Variants in SKAP2 observed in about 807,000 individuals in gnomAD.
SKAP2 encodes src kinase associated phosphoprotein 2.
SKAP2 carries 28 observed loss-of-function variants against 54.9 expected under a neutral mutation model. The ratio of observed to expected loss-of-function variants is 0.51; its 90% CI spans 0.38 to 0.70. SKAP2 has a LOEUF of 0.70. Ranked by LOEUF, SKAP2 falls within the 30% of genes least tolerant of loss-of-function variation. The pLI is 0.00. For synonymous variants in SKAP2, 137 were observed against 134.3 expected, an observed-to-expected ratio of 1.02 and a Z score of -0.14; for missense variants, 356 against 424.1, an observed-to-expected ratio of 0.84 and a Z score of 1.41.
At position 26,789,612 on chromosome 7, in the gene SKAP2, C is replaced by T. The variant is rs538143560; in HGVS notation, c.308-49648G>A. Among the ~76,000 whole-genome samples the T allele has an allele frequency of 2.0e-5, 3 of 152,254 alleles. No individual in the cohort carries two copies. The South Asian group carries it at 6.2e-4, about 32-fold the overall frequency. On this transcript the variant is annotated intron_variant, in intron 4 of 12. Transcript: ENST00000345317. ...GCCACTGTTTACTTTCAAGCTTTTT[C>T]ATTTTCTCGCAAAATAATAACTCTT...
chr7:26,800,696 T>C (rs941698716), intron 4 of SKAP2, among the ~76,000 whole-genome samples: 2 of 152,160 alleles, frequency 1.3e-5, no homozygotes, highest in African/African-American at 4.8e-5. Flanking sequence ...TTCAAAGGAT[T>C]GTCAGTGTCT....
chr7:26,841,315 T>C (rs533932253), intron 4 of SKAP2, among the ~76,000 whole-genome samples: 88 of 151,962 alleles, frequency 5.8e-4, no homozygotes, highest in African/African-American at 2.0e-3. Flanking sequence ...CAGCAAGTTA[T>C]GATTTTGCTA....
Position 26,706,772 on chromosome 7 carries a change from C to T in SKAP2, c.797-16410G>A, listed in dbSNP as rs528605048. ...TAGGTTATTTAAATTAGGACTTCAGCTGATTGAAATGCCAGCCCCATTTTA... is the reference window on the plus strand; with the variant it reads ...TAGGTTATTTAAATTAGGACTTCAGTTGATTGAAATGCCAGCCCCATTTTA... On this transcript the variant is annotated intron_variant, in intron 9 of 12. Coordinates refer to ENST00000345317, the MANE Select transcript of SKAP2 (RefSeq NM_003930.5). 2.0e-5 allele frequency among the ~76,000 whole-genome samples: 3 copies of T among 152,268 alleles called. No homozygotes were observed. The South Asian group carries it at 6.2e-4, about 32-fold the overall frequency.
intron 9 of SKAP2, among the ~76,000 whole-genome samples, chr7:26,690,742 CT>C (rs1786763386): frequency 6.6e-6 from 1 of 152,126 alleles, no homozygotes; most frequent in Non-Finnish European, 1.5e-5. Flanking sequence ...CAGGAAAACC[CT>C]TAAATCCAGT....
chr7:26,833,859 C>T (rs529240141), intron 4 of SKAP2, among the ~76,000 whole-genome samples: 108 of 152,312 alleles, frequency 7.1e-4, no homozygotes, highest in African/African-American at 2.6e-3. Flanking sequence ...TAACAGACAT[C>T]TACAGAACTC....
chr7:26,779,647 C>T lies in SKAP2; in HGVS notation c.308-39683G>A, dbSNP rs375811327. ...GATTCTGAGGGAAAATGTTCATGCA[C>T]GACTTGATTTCAAGGCAATGAGAAA... On this transcript the variant is annotated intron_variant, in intron 4 of 12. Transcript: ENST00000345317. Among the ~76,000 whole-genome samples, 8 of 151,922 alleles carry T rather than the reference C, an allele frequency of 5.3e-5. No individual in the cohort carries two copies. The East Asian group carries it at 9.7e-4, about 18-fold the overall frequency.
intron 4 of SKAP2, among the ~76,000 whole-genome samples, chr7:26,784,924 G>A (rs1246872820): frequency 1.3e-5 from 2 of 152,056 alleles, no homozygotes; most frequent in Non-Finnish European, 2.9e-5. Flanking sequence ...AGAGGGGTGG[G>A]AAGCTGATAT....
chr7:26,770,378 T>C lies in SKAP2; in HGVS notation c.308-30414A>G, dbSNP rs375040603. Among the ~76,000 whole-genome samples, 4 of 152,154 alleles carry C rather than the reference T, an allele frequency of 2.6e-5. No homozygotes were observed. In the East Asian group the frequency reaches 7.7e-4, roughly 29 times the overall value. The stretch of plus-strand genomic sequence containing the variant: ...GTGAGAATTTCAAGCCAATGGATCT[T>C]AGCTTGCTGGGCTCTGTGGGGGTGG... On this transcript the variant is annotated intron_variant, in intron 4 of 12. Transcript: ENST00000345317.
intron 9 of SKAP2, among the ~76,000 whole-genome samples, chr7:26,693,275 T>C (rs921864782): frequency 3.0e-5 from 4 of 134,556 alleles, no homozygotes; most frequent in African/African-American, 1.1e-4. Flanking sequence ...GAGGTTGCAA[T>C]GAGCTGAGAT....
intron 4 of SKAP2, among the ~76,000 whole-genome samples, chr7:26,778,710 T>C (rs114779154): frequency 0.012 from 1,807 of 152,112 alleles, 36 homozygotes; most frequent in African/African-American, 0.041. Context: ...CAAACATATA[T>C]GTTTCTTCTG....
At chr7:26,801,777 A>G (rs915477610) in intron 4 of SKAP2, among the ~76,000 whole-genome samples, 5 of 152,200 alleles carry the variant, frequency 3.3e-5, no homozygotes, top group Admixed American at 3.3e-4. Context: ...ATAAAATTAA[A>G]TACCTAGAAA....
intron 4 of SKAP2, among the ~76,000 whole-genome samples, chr7:26,745,106 T>C (rs1335171861): frequency 6.7e-6 from 1 of 150,088 alleles, no homozygotes; most frequent in Non-Finnish European, 1.5e-5. Context: ...ATTTTCCCTT[T>C]TCTAGTTGGC....
rs189438059 is a variant in SKAP2 at position 26,713,461 on chromosome 7, G to A, written c.796+11967C>T. Among the ~76,000 whole-genome samples the A allele has an allele frequency of 7.9e-4, 121 of 152,244 alleles. 1 individual carries two copies. The highest frequency in any genetic ancestry group is 2.2e-3 in the Admixed American group (33 of 15,298). On this transcript the variant is annotated intron_variant, in intron 9 of 12. Transcript: ENST00000345317. ...GTGAATAATAATAAGATGACATGAGGAGAAGGTAAGACAAGATAAAAACAA... is the reference window on the plus strand; with the variant it reads ...GTGAATAATAATAAGATGACATGAGAAGAAGGTAAGACAAGATAAAAACAA...
chr7:26,739,995 G>A (rs762867520), intron 4 of SKAP2, 31 bp from the exon 5 acceptor site: 2 of 1,351,210 alleles, frequency 1.5e-6, no homozygotes, highest in Admixed American at 2.0e-5. Context: ...AAAAAAAAAA[G>A]CAGTGGGTAA....
chr7:26,740,804 A>G (rs755299704), intron 4 of SKAP2, among the ~76,000 whole-genome samples: 1 of 151,982 alleles, frequency 6.6e-6, no homozygotes, highest in Non-Finnish European at 1.5e-5. Flanking sequence ...TGGCCAACAC[A>G]GTGAAACCTG....
At chr7:26,843,195 A>T (rs1287092267) in intron 4 of SKAP2, among the ~76,000 whole-genome samples, 1 of 152,062 alleles carries the variant, frequency 6.6e-6, no homozygotes, top group Non-Finnish European at 1.5e-5. Context: ...TTGTATTTAG[A>T]GATGGAACTG....
chr7:26,770,939 C>T (rs2127974839), intron 4 of SKAP2, among the ~76,000 whole-genome samples: 1 of 151,878 alleles, frequency 6.6e-6, no homozygotes, highest in Admixed American at 6.6e-5. Flanking sequence ...AACTTTTATA[C>T]ATGTCTGAGA....
At chr7:26,673,633 T>C (rs1786288040) in intron 11 of SKAP2, among the ~76,000 whole-genome samples, 1 of 151,958 alleles carries the variant, frequency 6.6e-6, no homozygotes, top group South Asian at 2.1e-4. Context: ...CAAGGCAAAA[T>C]GTAGTGTGGC....
chr7:26,807,703 G>T (rs1037499806), intron 4 of SKAP2, among the ~76,000 whole-genome samples: 1 of 152,138 alleles, frequency 6.6e-6, no homozygotes, highest in Non-Finnish European at 1.5e-5. Flanking sequence ...ATGGAAGGAA[G>T]AGTCAATCAA....
Sources: gnomAD v4.1 joint callset for allele counts (sites outside exome capture counted in the v4.1 genomes callset) on GRCh38, gnomAD v4.1.1 for gene constraint, MANE v1.5 for transcripts, NCBI Gene and HGNC (gene_info 2026-07-23, HGNC 2026-07-21) for gene names.